RUNX3: variants seen among roughly 807,000 people sequenced by gnomAD.
RUNX3 encodes the protein RUNX family transcription factor 3, also known as runt-related transcription factor 3.
Under a neutral mutation model 27.7 loss-of-function variants are expected in RUNX3, and 10 were observed. The observed-to-expected ratio is 0.36, with a 90% CI of 0.22 to 0.61. The LOEUF is 0.61. Ranked by LOEUF, RUNX3 falls within the 20% of genes least tolerant of loss-of-function variation. The pLI is 0.72. For missense variants in RUNX3, 469 were observed against 629.5 expected (o/e 0.75, Z 2.73); for synonymous variants, 270 against 269.2 (o/e 1.00, Z -0.03).
chr1:24,949,155 G>A lies in RUNX3; in HGVS notation c.58+15359C>T, dbSNP rs1213649658. On this transcript the variant is annotated intron_variant, in intron 2 of 6. Transcript: ENST00000338888. Reference sequence around the variant, plus strand: ...TGGAGCATTTCCCACGGGCGGCTGTGGAGCTGAGCACTTCAGGTTTGTCTT... The same window carrying A: ...TGGAGCATTTCCCACGGGCGGCTGTAGAGCTGAGCACTTCAGGTTTGTCTT... Among the ~76,000 whole-genome samples, 3 of 151,996 alleles carry A rather than the reference G, an allele frequency of 2.0e-5. No homozygotes were observed. The East Asian group carries it at 5.8e-4, about 29-fold the overall frequency.
At chr1:24,951,505 C>T (rs1037668587) in intron 2 of RUNX3, among the ~76,000 whole-genome samples, 2 of 152,182 alleles carry the variant, frequency 1.3e-5, no homozygotes, top group Non-Finnish European at 2.9e-5. Flanking sequence ...GAAACTGAAG[C>T]CCAGAGGAGG....
At chr1:24,919,653 G>A (rs889291013) in intron 2 of RUNX3, among the ~76,000 whole-genome samples, 6 of 152,082 alleles carry the variant, frequency 3.9e-5, no homozygotes, top group African/African-American at 1.5e-4. Flanking sequence ...CGATTTTGTG[G>A]TGGGGAGCAG....
rs977159121 is a variant in RUNX3, at chr1:24,962,622, C to T, written c.58+1892G>A. Among the ~76,000 whole-genome samples, 1 of 152,216 alleles carries T rather than the reference C, an allele frequency of 6.6e-6. No homozygotes were observed. The highest frequency in any genetic ancestry group is 6.5e-5 in the Admixed American group (1 of 15,290). On this transcript the variant is annotated intron_variant, in intron 2 of 6. Coordinates refer to the RUNX3 transcript ENST00000338888. This position sits in a 1 kb window ranked among gnomAD's most constrained non-coding sequence, Gnocchi z 4.5. ...TCCACAAAAGTGGAGGGAAGGCCCT[C>T]GGGCCACAGACCCCAGATCCAAACA... is the stretch of plus-strand genomic sequence containing the variant.
chr1:24,955,339 G>A (rs1001171164), intron 2 of RUNX3, among the ~76,000 whole-genome samples: 3 of 152,158 alleles, frequency 2.0e-5, no homozygotes, highest in Non-Finnish European at 4.4e-5. Context: ...TGACGGGCTG[G>A]TTTGATGTCA....
At position 24,902,268 on chromosome 1, in the gene RUNX3, C is replaced by T. The variant is rs996019598; in HGVS notation, c.1102G>A (p.Ala368Thr). 17 of 1,592,510 alleles carry T rather than the reference C, an allele frequency of 1.1e-5. No homozygotes were observed. Among genetic ancestry groups the T allele is most frequent in the African/African-American group, 6.7e-5 (5 of 74,834 alleles). The part of the protein sequence containing the change: ...TRMLASCTSS[A>T]ASVAAGNLMN... ...AGGTTGCCGGCGGCGACAGAGGCAG[C>T]GCTGCTGGTGCAAGAGGCCAGCATG... The change falls in exon 5 of 5, where the codon GCT (alanine) becomes ACT (threonine). Residue 368 changes from alanine to threonine, a missense_variant. Physicochemically the swap from Ala to Thr is moderately conservative, Grantham distance 58 (BLOSUM62 0). Coordinates refer to ENST00000308873, the MANE Select transcript of RUNX3 (RefSeq NM_004350.3). The surrounding 1 kb of genome is among the most constrained non-coding windows in gnomAD (Gnocchi z 9.2).
chr1:24,932,287 G>A (rs1461063290), upstream of RUNX3, among the ~76,000 whole-genome samples: 1 of 146,802 alleles, frequency 6.8e-6, no homozygotes, highest in Non-Finnish European at 1.5e-5. Context: ...GTAGGGCGCT[G>A]GCTCCCCGTG....
intron 4 of RUNX3, among the ~76,000 whole-genome samples, chr1:24,903,062 C>T (rs890432322): frequency 5.3e-5 from 8 of 152,228 alleles, no homozygotes; most frequent in South Asian, 2.1e-4. Flanking sequence ...CTCTCCCCAC[C>T]GGCCCATGTT....
intron 4 of RUNX3, among the ~76,000 whole-genome samples, chr1:24,905,626 C>T (rs188104823): frequency 2.6e-5 from 4 of 152,364 alleles, no homozygotes; most frequent in Non-Finnish European, 5.9e-5. Context: ...CATTGATTCC[C>T]AAGCTGTGCC....
At chr1:24,964,549 T>G in exon 2 of RUNX3, 1 of 1,610,814 alleles carries the variant, frequency 6.2e-7, no homozygotes, top group South Asian at 1.1e-5. Flanking sequence ...CGGGAAGGAG[T>G]CGAAGATGCT....
At chr1:24,951,219 A>AT (rs1641756927) in intron 2 of RUNX3, among the ~76,000 whole-genome samples, 2 of 150,276 alleles carry the variant, frequency 1.3e-5, no homozygotes, top group Non-Finnish European at 3.0e-5. Context: ...AAAAAAAAAA[A>AT]AAAATAAGGC....
At chr1:24,922,785 A>T (rs1335744152) in intron 2 of RUNX3, among the ~76,000 whole-genome samples, 1 of 137,190 alleles carries the variant, frequency 7.3e-6, no homozygotes, top group African/African-American at 3.3e-5. Context: ...CACAGGGCAA[A>T]AAAAAAAAAA....
intron 2 of RUNX3, among the ~76,000 whole-genome samples, chr1:24,922,144 T>A (rs1641011528): frequency 6.6e-6 from 1 of 151,254 alleles, no homozygotes; most frequent in Non-Finnish European, 1.5e-5. Flanking sequence ...CTTCTTTTCC[T>A]TCCCTCCCTT....
intron 3 of RUNX3, among the ~76,000 whole-genome samples, chr1:24,908,177 G>A (rs111733290): frequency 1.6e-5 from 1 of 63,894 alleles, no homozygotes; most frequent in East Asian, 5.1e-4. Context: ...GTGATCCGAA[G>A]CTCTACGACA....
intron 4 of RUNX3, among the ~76,000 whole-genome samples, chr1:24,905,198 G>T (rs1256236961): frequency 6.6e-6 from 1 of 152,180 alleles, no homozygotes; most frequent in African/African-American, 2.4e-5. Context: ...AGGGAGGAGG[G>T]CCTGTGAGAG....
intron 2 of RUNX3, among the ~76,000 whole-genome samples, chr1:24,942,714 C>T (rs1211892028): frequency 6.6e-6 from 1 of 152,222 alleles, no homozygotes; most frequent in African/African-American, 2.4e-5. Flanking sequence ...TTGCTTCTCC[C>T]ACAACAGCCC....
At chr1:24,922,782 C>CA (rs57671911) in intron 2 of RUNX3, among the ~76,000 whole-genome samples, 1,831 of 21,100 alleles carry the variant, frequency 0.087, 76 homozygotes, top group Non-Finnish European at 0.15. Flanking sequence ...GCCCACAGGG[C>CA]AAAAAAAAAA....
At chr1:24,907,178 T>C in intron 4 of RUNX3, 81 bp downstream of exon 4, 2 of 1,433,990 alleles carry the variant, frequency 1.4e-6, no homozygotes, top group Non-Finnish European at 1.9e-6. Flanking sequence ...CGGACAGGCT[T>C]TTGGTCTGGG....
intron 1 of RUNX3, 44 bp downstream of exon 1, chr1:24,929,543 G>T (rs1453643866): frequency 3.2e-6 from 5 of 1,545,202 alleles, no homozygotes. Context: ...CAGACGCCCG[G>T]AGCCCCAGGG....
chr1:24,964,954 C>A (rs1460972312), exon 1 of RUNX3: 3 of 302,254 alleles, frequency 9.9e-6, no homozygotes, highest in Non-Finnish European at 1.9e-5. Flanking sequence ...GGTGGAGGAG[C>A]TCCGAAGCTG....
Sources: allele counts gnomAD v4.1 joint callset (sites outside exome capture counted in the v4.1 genomes callset), GRCh38; gene constraint gnomAD v4.1.1; non-coding constraint Gnocchi (gnomAD v3.1); transcripts MANE v1.5; gene names NCBI Gene and HGNC (gene_info 2026-07-23, HGNC 2026-07-21).